YES1: variants seen among roughly 807,000 people sequenced by gnomAD.
The protein encoded by YES1 is tyrosine-protein kinase Yes.
A neutral mutation model predicts 70.4 loss-of-function variants in YES1; 39 were observed. The ratio of observed to expected loss-of-function variants is 0.55; its 90% CI spans 0.43 to 0.72. The LOEUF (loss-of-function observed/expected upper bound fraction) is 0.72. YES1 is among the 30% of genes least tolerant of loss of function. The pLI is 0.00. For synonymous variants in YES1, 198 were observed against 218.6 expected (o/e 0.91, Z 0.83); for missense variants, 495 against 644.8 (o/e 0.77, Z 2.52).
chr18:738,918 G>A (rs571441303), intron 9 of YES1: 1 of 152,260 alleles, frequency 6.6e-6, no homozygotes, highest in African/African-American at 2.4e-5. Context: ...CCGCCTCCCG[G>A]GTTCAAGCGA....
At chr18:766,514 G>C (rs1041470711) in intron 1 of YES1, among the ~76,000 whole-genome samples, 1 of 149,378 alleles carries the variant, frequency 6.7e-6, no homozygotes, top group Admixed American at 6.7e-5. Context: ...ACTCTAATAG[G>C]AAGCAACCAT....
At chr18:753,466 C>T (rs2080368072) in intron 2 of YES1, among the ~76,000 whole-genome samples, 2 of 152,048 alleles carry the variant, frequency 1.3e-5, no homozygotes, top group Admixed American at 1.3e-4. Context: ...AACATAATCC[C>T]ACTGACTTGT....
At chr18:791,954 G>C (rs1250284527) in intron 1 of YES1, among the ~76,000 whole-genome samples, 1 of 151,912 alleles carries the variant, frequency 6.6e-6, no homozygotes, top group Non-Finnish European at 1.5e-5. Context: ...ACTCGAAATC[G>C]GGTGTGTATT....
At chr18:784,101 C>T (rs1905816999) in intron 1 of YES1, among the ~76,000 whole-genome samples, 1 of 152,040 alleles carries the variant, frequency 6.6e-6, no homozygotes, top group African/African-American at 2.4e-5. Flanking sequence ...ATACATATGG[C>T]CAAACTTTTC....
chr18:798,453 T>C (rs1221640615), intron 1 of YES1, among the ~76,000 whole-genome samples: 1 of 152,108 alleles, frequency 6.6e-6, no homozygotes, highest in Non-Finnish European at 1.5e-5. Flanking sequence ...TTACAGTGCA[T>C]GCATTAAAAC....
intron 1 of YES1, among the ~76,000 whole-genome samples, chr18:807,707 G>C (rs1349164448): frequency 6.6e-6 from 1 of 152,168 alleles, no homozygotes; most frequent in Non-Finnish European, 1.5e-5. Context: ...AAAAGGAAAA[G>C]AATGCAGAGT....
At chr18:732,808 C>T (rs1318543104) in intron 11 of YES1, 26 bp downstream of exon 11, 2 of 1,613,830 alleles carry the variant, frequency 1.2e-6, no homozygotes, top group South Asian at 2.2e-5. Context: ...CATGAGATAA[C>T]CAAGAGCTAT....
At chr18:753,585 A>G (rs1212736126) in intron 2 of YES1, among the ~76,000 whole-genome samples, 1 of 152,096 alleles carries the variant, frequency 6.6e-6, no homozygotes, top group African/African-American at 2.4e-5. Flanking sequence ...TCCTGGGTTC[A>G]AGCTATTCTC....
At chr18:809,170 C>T (rs1349814996) in intron 1 of YES1, among the ~76,000 whole-genome samples, 1 of 152,028 alleles carries the variant, frequency 6.6e-6, no homozygotes, top group Non-Finnish European at 1.5e-5. Flanking sequence ...CAAGCCGAAG[C>T]GGATTTTAAT....
At chr18:763,930 G>C (rs1223771234) in intron 1 of YES1, among the ~76,000 whole-genome samples, 1 of 151,708 alleles carries the variant, frequency 6.6e-6, no homozygotes, top group African/African-American at 2.4e-5. Context: ...GACCATCCTG[G>C]CTAACAGGGC....
chr18:780,991 A>G (rs1381951793), intron 1 of YES1, among the ~76,000 whole-genome samples: 1 of 152,132 alleles, frequency 6.6e-6, no homozygotes. Flanking sequence ...GACCTTGGCC[A>G]GGGGCGGTGG....
chr18:729,619 C>CTTTTTTT (rs869223956), intron 11 of YES1, among the ~76,000 whole-genome samples: 5 of 75,384 alleles, frequency 6.6e-5, no homozygotes, highest in Non-Finnish European at 6.9e-5. Context: ...TGATTTTGAA[C>CTTTTTTT]TTTTTTTTTT....
Position 751,741 on chromosome 18 carries a change from A to C in YES1, c.335T>G (p.Phe112Cys). Reference protein sequence around the residue: ...YEARTTEDLSFKKGERFQIIN... With the variant: ...YEARTTEDLSCKKGERFQIIN... ...TATTTGAAATCTTTCACCCTTCTTA[A>C]ATGAAAGGTCTTCTGTAGTTCTAGC... The change falls in exon 3 of 12, where the codon TTT becomes TGT. Residue 112 changes from phenylalanine to cysteine, a missense_variant. Transcript: ENST00000314574. The C allele has an allele frequency of 6.2e-7, 1 of 1,602,198 alleles. No homozygotes were observed. The highest frequency in any genetic ancestry group is 1.3e-5 in the African/African-American group (1 of 74,764).
intron 1 of YES1, among the ~76,000 whole-genome samples, chr18:764,059 G>A (rs1247531779): frequency 6.6e-6 from 1 of 150,774 alleles, no homozygotes; most frequent in African/African-American, 2.4e-5. Flanking sequence ...GGCGGAGCTT[G>A]CAGTGAGCCG....
intron 1 of YES1, among the ~76,000 whole-genome samples, chr18:808,263 T>G (rs2145845986): frequency 6.6e-6 from 1 of 152,278 alleles, no homozygotes; most frequent in Middle Eastern, 3.4e-3. Context: ...GGCTCTTCTC[T>G]TTCACCCTCT....
intron 1 of YES1, among the ~76,000 whole-genome samples, chr18:766,625 G>A (rs1008604231): frequency 2.6e-5 from 4 of 152,002 alleles, no homozygotes; most frequent in Non-Finnish European, 5.9e-5. Context: ...TAATTGGTAT[G>A]TAGTGATATC....
rs533370323 is a variant in YES1 at position 786,952 on chromosome 18, T to C, written c.-9+25162A>G. ...CCCTCTAGGAGGAATGGTTCAGTCT[T>C]TGATTAGGTAGTTATTTGTAATTTT... On this transcript the variant is annotated intron_variant, in intron 1 of 11. Transcript: ENST00000314574. 2.6e-5 allele frequency among the ~76,000 whole-genome samples: 4 copies of C among 152,228 alleles called. No homozygotes were observed. The South Asian group carries it at 8.3e-4, about 32-fold the overall frequency.
chr18:757,373 G>A (rs950618459), intron 1 of YES1, among the ~76,000 whole-genome samples: 4 of 151,538 alleles, frequency 2.6e-5, no homozygotes, highest in African/African-American at 9.7e-5. Flanking sequence ...CGTGGTGGTG[G>A]GCGCCTGTAG....
At chr18:805,071 A>C (rs1448023689) in intron 1 of YES1, among the ~76,000 whole-genome samples, 1 of 152,210 alleles carries the variant, frequency 6.6e-6, no homozygotes, top group African/African-American at 2.4e-5. Context: ...TTTTAGACTC[A>C]AACATTTCCT....
Sources: gnomAD v4.1 joint callset for allele counts (sites outside exome capture counted in the v4.1 genomes callset) on GRCh38, gnomAD v4.1.1 for gene constraint, MANE v1.5 for transcripts, NCBI Gene and HGNC (gene_info 2026-07-23, HGNC 2026-07-21) for gene names.